The following GBX1 variants were observed in gnomAD, a reference collection of about 807,000 sequenced individuals.
GBX1 encodes the protein gastrulation brain homeobox 1, also known as homeobox protein GBX-1.
In GBX1, 9 loss-of-function variants were observed where a neutral mutation model predicts 22.9. The ratio of observed to expected loss-of-function variants is 0.39; its 90% confidence interval spans 0.24 to 0.69. The LOEUF is 0.69. Among genes scored for constraint, GBX1 ranks in the 30% least tolerant of loss-of-function variants. The probability of loss-of-function intolerance (pLI) is 0.43; values close to 1 mark genes in which losing one functional copy is unlikely to be tolerated. For synonymous variants in GBX1, 203 were observed against 227.3 expected, an observed-to-expected ratio of 0.89 and a Z score of 0.96; for missense variants, 494 against 509.2, an observed-to-expected ratio of 0.97 and a Z score of 0.29.
Position 151,148,346 on chromosome 7 carries a change from C to T in GBX1, c.*243G>A, listed in dbSNP as rs1473354990. Among the ~76,000 whole-genome samples, 1 of 152,276 alleles carries T rather than the reference C, an allele frequency of 6.6e-6. No homozygotes were observed. Among genetic ancestry groups the T allele is most frequent in the Admixed American group, 6.5e-5 (1 of 15,298 alleles). On this transcript the variant is annotated 3_prime_UTR_variant, in exon 2 of 2. Transcript: ENST00000297537. The surrounding 1 kb of genome is among the most constrained non-coding windows in gnomAD (Gnocchi z 5.1). ...CCAACAGCTCCTCAGCAATAGAACC[C>T]CAGCCCCTTTAACCTTGAAGCCCCT...
chr7:151,162,843 G>GC (rs1801201490), intron 1 of GBX1, among the ~76,000 whole-genome samples: 1 of 118,686 alleles, frequency 8.4e-6, no homozygotes, highest in Admixed American at 9.7e-5. Flanking sequence ...TTTGCTCGTT[G>GC]CCCCCCAGGC....
In GBX1 at chr7:151,167,176, C is replaced by A; in HGVS notation, c.373G>T (p.Ala125Ser). ...FYGPQELAAAAAAAAATAARN... is the reference protein window; with the variant it reads ...FYGPQELAAASAAAAATAARN... ...GCGGCAGTGGCGGCGGCGGCGGCAG[C>A]GGCGGCGGCGAGCTCCTGGGGCCCG... Residue 125 changes from alanine to serine, a missense_variant, in exon 1 of 2, where the codon GCT becomes TCT. Coordinates refer to ENST00000297537, the MANE Select transcript of GBX1 (RefSeq NM_001098834.3). This position sits in a 1 kb window ranked among gnomAD's most constrained non-coding sequence, Gnocchi z 5.9. 6.3e-7 allele frequency: 1 copy of A among 1,574,886 alleles called. No homozygotes were observed. The highest frequency in any genetic ancestry group is 8.6e-7 in the Non-Finnish European group (1 of 1,162,496).
chr7:151,164,988 A>AC (rs1801233650), intron 1 of GBX1, among the ~76,000 whole-genome samples: 1 of 150,464 alleles, frequency 6.6e-6, no homozygotes, highest in Non-Finnish European at 1.5e-5. Context: ...CACACACACA[A>AC]ACACACACAC....
intron 1 of GBX1, among the ~76,000 whole-genome samples, chr7:151,154,934 G>A (rs1801117696): frequency 6.6e-6 from 1 of 152,216 alleles, no homozygotes; most frequent in Admixed American, 6.5e-5. Flanking sequence ...TGCGCTAGAG[G>A]CACCGAGGAG....
rs553474143 is a variant in GBX1, at chr7:151,166,522, C to T, written c.538+489G>A. Reference sequence around the variant, plus strand: ...CACACACACACTCTTTTTGCCCCTGCATCCACAGAGCCTATTCCTATCCTT... The same window carrying T: ...CACACACACACTCTTTTTGCCCCTGTATCCACAGAGCCTATTCCTATCCTT... On this transcript the variant is annotated intron_variant, in intron 1 of 1. Coordinates refer to ENST00000297537, the MANE Select transcript of GBX1 (RefSeq NM_001098834.3). 1.6e-3 allele frequency among the ~76,000 whole-genome samples: 217 copies of T among 138,484 alleles called. 1 individual carries two copies. Among genetic ancestry groups the T allele is most frequent in the African/African-American group, 5.4e-3 (200 of 36,772 alleles). 90.9% of individuals were successfully genotyped at this position (138,484 alleles called of 152,430 possible).
chr7:151,165,338 T>G (rs1417291423), intron 1 of GBX1, among the ~76,000 whole-genome samples: 1 of 152,220 alleles, frequency 6.6e-6, no homozygotes, highest in African/African-American at 2.4e-5. Context: ...GTCCCACAGT[T>G]TGGGCATATG....
intron 1 of GBX1, among the ~76,000 whole-genome samples, chr7:151,154,698 C>T (rs1279109260): frequency 1.3e-5 from 2 of 152,186 alleles, no homozygotes; most frequent in East Asian, 3.8e-4. Context: ...ACGTCAAGGG[C>T]ATTAATCTCA....
intron 1 of GBX1, among the ~76,000 whole-genome samples, chr7:151,154,081 T>C (rs1801108240): frequency 6.6e-6 from 1 of 152,074 alleles, no homozygotes; most frequent in Non-Finnish European, 1.5e-5. Flanking sequence ...CTACTAAAAA[T>C]ACAAAAATTA....
chr7:151,159,390 T>A (rs1041165571), intron 1 of GBX1, among the ~76,000 whole-genome samples: 1 of 152,118 alleles, frequency 6.6e-6, no homozygotes, highest in African/African-American at 2.4e-5. Flanking sequence ...TTTGTTGTTG[T>A]TTTTTGAGAC....
chr7:151,163,820 A>G (rs1801213319), intron 1 of GBX1, among the ~76,000 whole-genome samples: 1 of 152,140 alleles, frequency 6.6e-6, no homozygotes, highest in African/African-American at 2.4e-5. Context: ...TACTCTTACT[A>G]AAAGACATTC....
chr7:151,166,855 G>A (rs779086216), intron 1 of GBX1, among the ~76,000 whole-genome samples, 156 bp downstream of exon 1: 6 of 152,190 alleles, frequency 3.9e-5, no homozygotes, highest in Non-Finnish European at 5.9e-5. Flanking sequence ...GGCTGTATTT[G>A]GAACTGAATT....
intron 1 of GBX1, among the ~76,000 whole-genome samples, chr7:151,163,973 C>A (rs149946012): frequency 1.9e-3 from 282 of 152,272 alleles, no homozygotes; most frequent in African/African-American, 6.5e-3. Flanking sequence ...GCAATCAAGT[C>A]ATAACAAAGT....
intron 1 of GBX1, among the ~76,000 whole-genome samples, chr7:151,165,280 C>T (rs1004696241): frequency 1.3e-5 from 2 of 152,148 alleles, no homozygotes; most frequent in African/African-American, 4.8e-5. Flanking sequence ...ACATATAGGT[C>T]AAAATAAGAA....
At chr7:151,158,457 G>T (rs1449364922) in intron 1 of GBX1, among the ~76,000 whole-genome samples, 3 of 150,868 alleles carry the variant, frequency 2.0e-5, no homozygotes, top group African/African-American at 4.9e-5. Flanking sequence ...TTTTGTTTTT[G>T]TTTTTGTTTT....
chr7:151,148,740 G>A lies in GBX1; in HGVS notation c.941C>T (p.Ala314Val). 6.2e-7 allele frequency: 1 copy of A among 1,614,154 alleles called. No homozygotes were observed. The highest frequency in any genetic ancestry group is 1.1e-5 in the South Asian group (1 of 91,084). ...QVKIWFQNRRAKWKRIKAGNV... is the reference protein window; with the variant it reads ...QVKIWFQNRRVKWKRIKAGNV... ...GCCAGCTTTGATGCGCTTCCACTTG[G>A]CCCGTCGATTCTGAAACCAGATCTT... Residue 314 changes from alanine to valine, a missense_variant, in exon 2 of 2, where the codon GCC (alanine) becomes GTC (valine). Around this residue, in one of 3 missense-constraint regions of GBX1, gnomAD observed 124 missense variants for 152.0 expected, o/e 0.82. Coordinates refer to ENST00000297537, the MANE Select transcript of GBX1 (RefSeq NM_001098834.3). The surrounding 1 kb of genome is among the most constrained non-coding windows in gnomAD (Gnocchi z 5.1).
intron 1 of GBX1, among the ~76,000 whole-genome samples, chr7:151,159,454 T>G (rs1056483964): frequency 6.6e-6 from 1 of 152,158 alleles, no homozygotes; most frequent in South Asian, 2.1e-4. Flanking sequence ...CAAATCTCAC[T>G]GCAGCCTCAA....
chr7:151,148,961 C>T lies in GBX1; in HGVS notation c.720G>A (p.Leu240=). The T allele has an allele frequency of 6.2e-7, 1 of 1,614,066 alleles. No individual in the cohort carries two copies. The highest frequency in any genetic ancestry group is 8.5e-7 in the Non-Finnish European group (1 of 1,180,032). The change falls in exon 2 of 2, where the codon CTG becomes CTA. Residue 240 remains leucine (L), a synonymous_variant. Transcript: ENST00000297537. This position sits in a 1 kb window ranked among gnomAD's most constrained non-coding sequence, Gnocchi z 5.1. ...GTGCCCCCTCCTCAGCTCCAGTCCC[C>T]AGGCTTCCCTTTAGCTTCGGTTTAG... ...LGPKPKLKGS[L]GTGAEEGAPV...
intron 1 of GBX1, 58 bp downstream of exon 1, chr7:151,166,953 G>C (rs1801259123): frequency 6.4e-7 from 1 of 1,563,480 alleles, no homozygotes; most frequent in African/African-American, 1.4e-5. Context: ...GCAGGTTCCT[G>C]TCTGGAATTT....
chr7:151,162,066 G>A (rs1801193057), intron 1 of GBX1, among the ~76,000 whole-genome samples: 1 of 152,200 alleles, frequency 6.6e-6, no homozygotes, highest in Non-Finnish European at 1.5e-5. Flanking sequence ...AGTGACAAAG[G>A]TGAGAATTGA....
Sources: allele counts gnomAD v4.1 joint callset (sites outside exome capture counted in the v4.1 genomes callset), GRCh38; gene constraint gnomAD v4.1.1; regional missense constraint gnomAD v4.1.1; non-coding constraint Gnocchi (gnomAD v3.1); transcripts MANE v1.5; gene names NCBI Gene and HGNC (gene_info 2026-07-23, HGNC 2026-07-21).